Variants in PTBP2 observed in about 807,000 individuals in gnomAD.
The protein encoded by PTBP2 is polypyrimidine tract-binding protein 2.
Under a neutral mutation model 61.4 loss-of-function variants are expected in PTBP2, and 13 were observed. That is an observed-to-expected ratio of 0.21 (90% CI 0.14 to 0.34). The LOEUF is 0.34. PTBP2 is among the 10% of genes least tolerant of loss of function. The pLI is 1.00. For synonymous variants in PTBP2, 215 were observed against 218.5 expected (o/e 0.98, Z 0.14); for missense variants, 405 against 642.6 (o/e 0.63, Z 4.00).
intron 2 of PTBP2, among the ~76,000 whole-genome samples, chr1:96,737,882 GTTTC>G (rs1652444031): frequency 6.6e-6 from 1 of 151,900 alleles, no homozygotes; most frequent in South Asian, 2.1e-4. Flanking sequence ...TTGTAGTAAC[GTTTC>G]TTTTTTTTTA....
intron 3 of PTBP2, among the ~76,000 whole-genome samples, chr1:96,751,860 C>T (rs1187446916): frequency 1.3e-5 from 2 of 151,750 alleles, no homozygotes; most frequent in South Asian, 4.1e-4. Context: ...ATGCCACAAA[C>T]CCTAAAACCC....
intron 9 of PTBP2, 45 bp from the exon 10 acceptor site, chr1:96,806,372 CTT>C (rs1224538333): frequency 7.1e-7 from 1 of 1,415,480 alleles, no homozygotes; most frequent in African/African-American, 1.4e-5. Flanking sequence ...TTCCTCGACT[CTT>C]CTCTCTTCTT....
intron 11 of PTBP2, among the ~76,000 whole-genome samples, chr1:96,810,050 CA>C (rs1557780110): frequency 2.0e-5 from 3 of 151,572 alleles, no homozygotes; most frequent in African/African-American, 4.9e-5. Context: ...AGGGGAGAAG[CA>C]TTGATAAAGC....
intron 2 of PTBP2, among the ~76,000 whole-genome samples, chr1:96,750,384 A>G (rs1297475116): frequency 1.4e-5 from 2 of 147,922 alleles, no homozygotes; most frequent in Non-Finnish European, 3.0e-5. Flanking sequence ...AACTGGTTGT[A>G]TTTTTCTGTT....
chr1:96,810,782 A>G (rs149256848), intron 11 of PTBP2, among the ~76,000 whole-genome samples: 110 of 152,340 alleles, frequency 7.2e-4, no homozygotes, highest in African/African-American at 2.5e-3. Context: ...TTGTTCACTT[A>G]AAATAGTTAT....
At chr1:96,823,059 C>G (rs1374191760) in exon 14 of PTBP2, 1 of 152,188 alleles carries the variant, frequency 6.6e-6, no homozygotes, top group African/African-American at 2.4e-5. Flanking sequence ...CTCCCGGGTT[C>G]AAGCAATTCT....
intron 8 of PTBP2, among the ~76,000 whole-genome samples, chr1:96,796,611 G>C (rs1342141404): frequency 6.6e-6 from 1 of 152,134 alleles, no homozygotes; most frequent in Non-Finnish European, 1.5e-5. Flanking sequence ...TAGCATTTGT[G>C]GGGTGTGTGT....
Position 96,791,344 on chromosome 1 carries a change from G to A in PTBP2, c.904+6090G>A, listed in dbSNP as rs147525313. On this transcript the variant is annotated intron_variant, in intron 8 of 13. Transcript: ENST00000674951. ...CTGTGTTCTTTACTTTTGTGTGTGT[G>A]TATGTGTTTTTAAACAAGATTCATT... Among the ~76,000 whole-genome samples, 99 of 152,280 alleles carry A rather than the reference G, an allele frequency of 6.5e-4. 2 individuals are homozygous for A. In the Middle Eastern group the frequency reaches 0.014, roughly 21 times the overall value.
chr1:96,723,606 CTA>C lies in PTBP2; in HGVS notation c.39+14_39+15del. 1 of 1,564,534 alleles carries C rather than the reference CTA, an allele frequency of 6.4e-7. No homozygotes were observed. Among genetic ancestry groups the C allele is most frequent in the South Asian group, 1.2e-5 (1 of 84,092 alleles). ...CAGTTGGCGTGAAGGTAGGAAAATA[CTA>C]TGTTTGAAACTGGGATTGTTGGATC... On this transcript the variant is annotated intron_variant, in intron 2 of 13. Coordinates refer to ENST00000674951, the MANE Select transcript of PTBP2 (RefSeq NM_021190.4).
At position 96,770,025 on chromosome 1, in the gene PTBP2, A is replaced by C. The variant is rs1016689252; in HGVS notation, c.288+150A>C. On this transcript the variant is annotated intron_variant, in intron 4 of 13. Transcript: ENST00000674951. ...TTCGAGTAGATGTCTGTGGGAAACTAATGCTAGGTAGCCAAAGTGAGTGAA... is the reference window on the plus strand; with the variant it reads ...TTCGAGTAGATGTCTGTGGGAAACTCATGCTAGGTAGCCAAAGTGAGTGAA... 7.3e-6 allele frequency: 4 copies of C among 549,730 alleles called. No individual in the cohort carries two copies. In the East Asian group the frequency reaches 1.4e-4, roughly 19 times the overall value. The allele number at this position is 549,730 out of a possible 1,614,324, so 34.1% of individuals were successfully genotyped here. A position where few individuals can be genotyped will look rare whatever the true frequency, so the allele number is the denominator to read the frequency against.
At chr1:96,762,366 C>T (rs1226808722) in intron 3 of PTBP2, among the ~76,000 whole-genome samples, 1 of 151,006 alleles carries the variant, frequency 6.6e-6, no homozygotes, top group Non-Finnish European at 1.5e-5. Flanking sequence ...CCCCTCACCT[C>T]CCGGATGGGG....
chr1:96,804,365 G>A (rs1571013201), intron 8 of PTBP2, among the ~76,000 whole-genome samples: 2 of 151,984 alleles, frequency 1.3e-5, no homozygotes, highest in East Asian at 1.9e-4. Context: ...TTGATTTCAA[G>A]TGTGAGTTTA....
rs531982636 is a variant in PTBP2 at position 96,784,923 on chromosome 1, T to C, written c.709-136T>C. On this transcript the variant is annotated intron_variant, in intron 7 of 13. Transcript: ENST00000674951. ...GGACAGCTGGAACAGCAAAATTTGA[T>C]ATATGAAATTTGAATCCTTTTCCTG... 43 of 651,422 alleles carry C rather than the reference T, an allele frequency of 6.6e-5. No homozygotes were observed. The African/African-American group carries it at 7.7e-4, about 12-fold the overall frequency. The allele number at this position is 651,422 out of a possible 1,614,324, so 40.4% of individuals were successfully genotyped here.
At chr1:96,730,987 TGACTG>T (rs1463585433) in intron 2 of PTBP2, among the ~76,000 whole-genome samples, 3 of 152,224 alleles carry the variant, frequency 2.0e-5, no homozygotes, top group Non-Finnish European at 4.4e-5. Context: ...TATTCTGTCT[TGACTG>T]GAAGTAGAAG....
At chr1:96,735,499 G>A (rs990887816) in intron 2 of PTBP2, among the ~76,000 whole-genome samples, 4 of 152,128 alleles carry the variant, frequency 2.6e-5, no homozygotes, top group African/African-American at 9.7e-5. Flanking sequence ...TGTTAGATGA[G>A]ATGAGGAAAA....
At chr1:96,813,205 AAAATTCAAGT>A in intron 13 of PTBP2, 61 bp from the exon 14 acceptor site, 4 of 1,551,972 alleles carry the variant, frequency 2.6e-6, no homozygotes, top group Non-Finnish European at 3.5e-6. Flanking sequence ...CGGAATGGCC[AAAATTCAAGT>A]ATTTAATAAG....
chr1:96,725,766 C>T (rs1245349231), intron 2 of PTBP2, among the ~76,000 whole-genome samples: 1 of 152,000 alleles, frequency 6.6e-6, no homozygotes, highest in East Asian at 1.9e-4. Context: ...GCTTTAAAGA[C>T]ACTGATGCAT....
At chr1:96,738,373 A>G (rs1652523242) in intron 2 of PTBP2, among the ~76,000 whole-genome samples, 1 of 151,780 alleles carries the variant, frequency 6.6e-6, no homozygotes, top group Admixed American at 6.6e-5. Flanking sequence ...GGCTCACTGC[A>G]GGCCATTCTC....
chr1:96,804,843 T>TGCA lies in PTBP2; in HGVS notation c.954_956dup (p.Ala324dup). 1 of 1,610,914 alleles carries TGCA rather than the reference T, an allele frequency of 6.2e-7. No homozygotes were observed. The highest frequency in any genetic ancestry group is 8.5e-7 in the Non-Finnish European group (1 of 1,177,580). ...GTCCTTTGGCCATTCCAAATGCTGC[T>TGCA]GCAGCAGCTGCTGCAGCTGCTGCTG... On this transcript the variant is annotated inframe_insertion, in exon 9 of 14. Coordinates refer to ENST00000674951, the MANE Select transcript of PTBP2 (RefSeq NM_021190.4).
Sources: allele counts gnomAD v4.1 joint callset (sites outside exome capture counted in the v4.1 genomes callset), GRCh38; gene constraint gnomAD v4.1.1; transcripts MANE v1.5; gene names NCBI Gene and HGNC (gene_info 2026-07-23, HGNC 2026-07-21).